CIITA: variants seen among roughly 807,000 people sequenced by gnomAD.
CIITA encodes class II major histocompatibility complex transactivator, also known as MHC class II transactivator.
CIITA carries 72 observed loss-of-function variants against 115.1 expected under a neutral mutation model. The ratio of observed to expected loss-of-function variants is 0.63; its 90% CI spans 0.52 to 0.76. The LOEUF (loss-of-function observed/expected upper bound fraction) is 0.76. Ranked by LOEUF, CIITA falls within the 30% of genes least tolerant of loss-of-function variation. CIITA has a pLI of 0.00. For synonymous variants in CIITA, 763 were observed against 635.6 expected, an observed-to-expected ratio of 1.20 and a Z score of -3.02; for missense variants, 1,617 against 1,463.8, an observed-to-expected ratio of 1.10 and a Z score of -1.71.
At chr16:10,918,629 C>T (rs2145062148) in intron 16 of CIITA, 103 bp downstream of exon 16, 1 of 938,022 alleles carries the variant, frequency 1.1e-6, no homozygotes, top group Non-Finnish European at 1.7e-6. Flanking sequence ...ACCCTAGAAG[C>T]AATCACCACA....
chr16:10,876,251 G>T (rs1258898038), upstream of CIITA, among the ~76,000 whole-genome samples: 2 of 152,214 alleles, frequency 1.3e-5, no homozygotes, highest in Non-Finnish European at 2.9e-5. Flanking sequence ...CCGGCTTCAA[G>T]CAATCCTCCT....
At chr16:10,910,292 G>A in intron 13 of CIITA, 33 bp downstream of exon 13, 1 of 1,589,004 alleles carries the variant, frequency 6.3e-7, no homozygotes, top group Non-Finnish European at 8.6e-7. Context: ...TTGTGGGTCT[G>A]CGCAAGGTTT....
chr16:10,879,406 T>C lies in CIITA; in HGVS notation c.52+2024T>C, dbSNP rs1397298025. On this transcript the variant is annotated intron_variant, in intron 1 of 19. Transcript: ENST00000324288. The surrounding 1 kb of genome is among the most constrained non-coding windows in gnomAD (Gnocchi z 4.3). ...CCGCGCGCCCGGGATCCTGCAGAGG[T>C]GCGCGCCCTTCTTGTACGCCAGACT... Among the ~76,000 whole-genome samples, 4 of 152,140 alleles carry C rather than the reference T, an allele frequency of 2.6e-5. No individual in the cohort carries two copies. The highest frequency in any genetic ancestry group is 5.9e-5 in the Non-Finnish European group (4 of 68,010).
intron 1 of CIITA, among the ~76,000 whole-genome samples, chr16:10,886,774 A>G (rs1298098637): frequency 1.3e-5 from 2 of 152,266 alleles, no homozygotes; most frequent in Non-Finnish European, 2.9e-5. Flanking sequence ...AACAAAATGC[A>G]GTCGATTCTG....
intron 16 of CIITA, among the ~76,000 whole-genome samples, chr16:10,919,063 C>CTCT: frequency 6.6e-6 from 1 of 152,358 alleles, no homozygotes; most frequent in South Asian, 2.1e-4. Flanking sequence ...GCATTACCAG[C>CTCT]TCTTCTTACT....
Position 10,923,426 on chromosome 16 carries a change from T to TGGGACAC in CIITA, c.*22+101_*22+102insGGGACAC. On this transcript the variant is annotated intron_variant, in intron 19 of 19. Coordinates refer to ENST00000324288, the MANE Select transcript of CIITA (RefSeq NM_000246.4). The surrounding 1 kb of genome is among the most constrained non-coding windows in gnomAD (Gnocchi z 5.2). The stretch of plus-strand genomic sequence containing the variant: ...AATGTGGGCGGGACACAGGTGGGGC[T>TGGGACAC]AGGCCACCACCCTTGGACGCATGCG... 1 of 897,660 alleles carries TGGGACAC rather than the reference T, an allele frequency of 1.1e-6. No homozygotes were observed. Among genetic ancestry groups the TGGGACAC allele is most frequent in the South Asian group, 1.3e-5 (1 of 74,446 alleles). 55.6% of individuals were successfully genotyped at this position (897,660 alleles called of 1,614,324 possible). A position where few individuals can be genotyped will look rare whatever the true frequency, so the allele number is the denominator to read the frequency against.
At chr16:10,891,113 G>A (rs1247861900) in intron 1 of CIITA, among the ~76,000 whole-genome samples, 2 of 152,144 alleles carry the variant, frequency 1.3e-5, no homozygotes, top group African/African-American at 2.4e-5. Context: ...AAGTGGGGGT[G>A]GGCTAAATGT....
intron 4 of CIITA, 69 bp from the exon 5 acceptor site, chr16:10,898,856 G>A (rs1220233544): frequency 1.3e-6 from 2 of 1,594,686 alleles, no homozygotes; most frequent in African/African-American, 2.7e-5. Context: ...CCCCAAGGTG[G>A]GTACAATAGA....
At chr16:10,866,549 G>T (rs375055186) in intron 1 of CIITA, 7 of 547,598 alleles carry the variant, frequency 1.3e-5, no homozygotes, top group Non-Finnish European at 2.5e-5. Context: ...GCCGAGAGGG[G>T]CCCCGGCCAC....
chr16:10,926,045 A>G lies in CIITA; in HGVS notation c.*2190A>G, dbSNP rs1243510862. The G allele has an allele frequency of 2.6e-5, 4 of 152,220 alleles. No homozygotes were observed. Among genetic ancestry groups the G allele is most frequent in the Admixed American group, 6.5e-5 (1 of 15,284 alleles). 9.4% of individuals were successfully genotyped at this position (152,220 alleles called of 1,614,324 possible). A position where few individuals can be genotyped will look rare whatever the true frequency, so the allele number is the denominator to read the frequency against. On this transcript the variant is annotated 3_prime_UTR_variant, in exon 20 of 20. Coordinates refer to ENST00000324288, the MANE Select transcript of CIITA (RefSeq NM_000246.4). Reference sequence around the variant, plus strand: ...GGGCATAGTCTGCTCAGAAGCCCCAATTCAAGACATCTTAGCTTACTCCTG... The same window carrying G: ...GGGCATAGTCTGCTCAGAAGCCCCAGTTCAAGACATCTTAGCTTACTCCTG...
rs562865269 is a variant in CIITA at position 10,890,606 on chromosome 16, T to C, written c.53-4676T>C. On this transcript the variant is annotated intron_variant, in intron 1 of 19. Coordinates refer to ENST00000324288, the MANE Select transcript of CIITA (RefSeq NM_000246.4). ...TGCCCGGCCTATGGGGCCCTTCTTG[T>C]TCCTATGAAGTCTGCAGGGTCCCCT... Among the ~76,000 whole-genome samples the C allele has an allele frequency of 4.0e-4, 61 of 152,324 alleles. 1 individual carries two copies. The highest frequency in any genetic ancestry group is 1.4e-3 in the African/African-American group (58 of 41,564).
In CIITA at chr16:10,893,312, A is replaced by G. The variant is rs112046370; in HGVS notation, c.53-1970A>G. Among the ~76,000 whole-genome samples, 392 of 152,246 alleles carry G rather than the reference A, an allele frequency of 2.6e-3. 1 individual carries two copies. Among genetic ancestry groups the G allele is most frequent in the African/African-American group, 8.6e-3 (356 of 41,548 alleles). The stretch of plus-strand genomic sequence containing the variant: ...CCTGGGAAATGAATATACCATGGAA[A>G]CATGGACCTGAACCACGGATCCTGG... On this transcript the variant is annotated intron_variant, in intron 1 of 19. Transcript: ENST00000324288.
chr16:10,890,483 C>T (rs970107047), intron 1 of CIITA, among the ~76,000 whole-genome samples: 1 of 152,118 alleles, frequency 6.6e-6, no homozygotes, highest in Non-Finnish European at 1.5e-5. Flanking sequence ...GATAGGGCTT[C>T]ACCATGTTGC....
At chr16:10,905,589 C>T (rs111919072) in intron 10 of CIITA, among the ~76,000 whole-genome samples, 9,570 of 151,482 alleles carry the variant, frequency 0.063, 379 homozygotes, top group Middle Eastern at 0.12. Flanking sequence ...AGTGAAACCC[C>T]GTCTCCATTA....
In CIITA at chr16:10,907,986, C is replaced by T. The variant is rs778521786; in HGVS notation, c.2494C>T (p.Arg832Cys). 4 of 1,587,312 alleles carry T rather than the reference C, an allele frequency of 2.5e-6. No individual in the cohort carries two copies. The highest frequency in any genetic ancestry group is 2.2e-5 in the East Asian group (1 of 44,516). The stretch of plus-strand genomic sequence containing the variant: ...GCACGTGGTACAGGAGCTCCCCGGC[C>T]GCCTCTCTTTTCTGGGCACCCGCCT... The part of the protein sequence containing the change: ...WQHVVQELPG[R>C]LSFLGTRLTP... The change falls in exon 11 of 20, where the codon CGC becomes TGC. Residue 832 changes from arginine to cysteine, a missense_variant. Coordinates refer to ENST00000324288, the MANE Select transcript of CIITA (RefSeq NM_000246.4). The surrounding 1 kb of genome is among the most constrained non-coding windows in gnomAD (Gnocchi z 5.0).
chr16:10,874,589 G>T (rs1019517835), upstream of CIITA, among the ~76,000 whole-genome samples: 4 of 152,196 alleles, frequency 2.6e-5, no homozygotes, highest in African/African-American at 9.7e-5. Flanking sequence ...ACAGTTTGAC[G>T]GATGTCACTT....
intron 16 of CIITA, 62 bp downstream of exon 16, chr16:10,918,588 C>A: frequency 6.9e-7 from 1 of 1,442,062 alleles, no homozygotes; most frequent in Admixed American, 1.7e-5. Context: ...CGCAGGGAAC[C>A]CACATCGTGC....
chr16:10,889,186 C>T (rs1349171829), intron 1 of CIITA, among the ~76,000 whole-genome samples: 3 of 152,174 alleles, frequency 2.0e-5, no homozygotes, highest in African/African-American at 7.2e-5. Context: ...ATGATCAGGG[C>T]CATCTTTTCC....
rs991462429 is a variant in CIITA at position 10,879,020 on chromosome 16, G to A, written c.52+1638G>A. The A allele has an allele frequency of 4.6e-6, 1 of 218,798 alleles. No homozygotes were observed. Among genetic ancestry groups the A allele is most frequent in the East Asian group, 6.7e-5 (1 of 14,954 alleles). 13.6% of individuals were successfully genotyped at this position (218,798 alleles called of 1,614,324 possible). A position where few individuals can be genotyped will look rare whatever the true frequency, so the allele number is the denominator to read the frequency against. ...GGGAGGGAGAGGCCACCAGCAGCGCGCGCGGGAGCCCGGGGAACAGCGGTA... is the reference window on the plus strand; with the variant it reads ...GGGAGGGAGAGGCCACCAGCAGCGCACGCGGGAGCCCGGGGAACAGCGGTA... On this transcript the variant is annotated intron_variant, in intron 1 of 19. Coordinates refer to ENST00000324288, the MANE Select transcript of CIITA (RefSeq NM_000246.4). This position sits in a 1 kb window ranked among gnomAD's most constrained non-coding sequence, Gnocchi z 4.3.
Sources: allele counts gnomAD v4.1 joint callset (sites outside exome capture counted in the v4.1 genomes callset), GRCh38; gene constraint gnomAD v4.1.1; non-coding constraint Gnocchi (gnomAD v3.1); transcripts MANE v1.5; gene names NCBI Gene and HGNC (gene_info 2026-07-23, HGNC 2026-07-21).